Variants in CEP63 observed in about 807,000 individuals in gnomAD.
CEP63 encodes centrosomal protein of 63 kDa.
CEP63 carries 84 observed loss-of-function variants against 89.1 expected under a neutral mutation model. That is an observed-to-expected ratio of 0.94 (90% CI 0.79 to 1.13). CEP63 has a LOEUF of 1.13. Among genes scored for constraint, CEP63 ranks in the 50% most tolerant of loss-of-function variants. The pLI, the probability that CEP63 is intolerant of heterozygous loss-of-function variation, is 0.00. For missense variants in CEP63, 838 were observed against 813.3 expected (o/e 1.03, Z -0.37); for synonymous variants, 267 against 272.5 (o/e 0.98, Z 0.20).
the CEP63 span, among the ~76,000 whole-genome samples, chr3:134,777,936 A>G: frequency 2.0e-5 from 3 of 151,822 alleles, no homozygotes; most frequent in South Asian, 2.1e-4. Context: ...AAAACAACAA[A>G]TTATTTTTCT....
chr3:134,552,097 T>C (rs1955005460), intron 12 of CEP63, 85 bp downstream of exon 12: 5 of 767,084 alleles, frequency 6.5e-6, no homozygotes, highest in Admixed American at 4.4e-5. Context: ...AAAGAGAGAA[T>C]TAAGATCAAC....
Position 134,561,764 on chromosome 3 carries a change from T to C in CEP63, c.*229T>C, listed in dbSNP as rs1957369738. 1.5e-6 allele frequency: 2 copies of C among 1,342,346 alleles called. No individual in the cohort carries two copies. The highest frequency in any genetic ancestry group is 1.9e-6 in the Non-Finnish European group (2 of 1,046,806). 83.2% of individuals were successfully genotyped at this position (1,342,346 alleles called of 1,614,324 possible). On this transcript the variant is annotated 3_prime_UTR_variant, in exon 15 of 15. Coordinates refer to ENST00000675561, the MANE Select transcript of CEP63 (RefSeq NM_001353108.3). The stretch of plus-strand genomic sequence containing the variant: ...AAGTTGAAAGAATAAACCACTTTGC[T>C]AGACTTTTTTCTCATACGAATATTT...
At chr3:134,677,548 C>T in the CEP63 span, among the ~76,000 whole-genome samples, 9 of 152,120 alleles carry the variant, frequency 5.9e-5, no homozygotes. Context: ...TTTGACCTTG[C>T]TCCTCAGCTT....
the CEP63 span, among the ~76,000 whole-genome samples, chr3:134,667,346 T>G: frequency 6.6e-6 from 1 of 152,040 alleles, no homozygotes; most frequent in Non-Finnish European, 1.5e-5. Context: ...GGGGTGAAAT[T>G]TCAGGGCAGC....
At chr3:134,620,734 C>T in the CEP63 span, 1 of 1,599,720 alleles carries the variant, frequency 6.3e-7, no homozygotes, top group Non-Finnish European at 8.6e-7. Context: ...CCAGAAATTC[C>T]ACAGGGGGGC....
At chr3:134,510,791 G>GT (rs758205205) in intron 3 of CEP63, 28 of 353,694 alleles carry the variant, frequency 7.9e-5, no homozygotes, top group Non-Finnish European at 1.4e-4. Flanking sequence ...CCTGGCTGCA[G>GT]TTCTGGCCCT....
the CEP63 span, among the ~76,000 whole-genome samples, chr3:134,628,298 TA>T: frequency 6.6e-6 from 1 of 152,124 alleles, no homozygotes; most frequent in East Asian, 1.9e-4. Flanking sequence ...TTGGGAGGAT[TA>T]AAGGCCAACT....
the CEP63 span, among the ~76,000 whole-genome samples, chr3:134,594,762 G>T: frequency 5.1e-3 from 771 of 152,332 alleles, 31 homozygotes; most frequent in East Asian, 0.091. Flanking sequence ...TTTTTGAAAT[G>T]ACAAGGCAAT....
chr3:134,574,741 C>G, intron 11 of CEP63: 1 of 567,808 alleles, frequency 1.8e-6, no homozygotes, highest in East Asian at 3.1e-5. Flanking sequence ...GTAGCTGGGA[C>G]TTCAGGCACG....
At chr3:134,550,894 G>C (rs1381397730) in intron 11 of CEP63, among the ~76,000 whole-genome samples, 1 of 152,186 alleles carries the variant, frequency 6.6e-6, no homozygotes, top group East Asian at 1.9e-4. Flanking sequence ...GGAGGCAGAG[G>C]GAAATGGATG....
chr3:134,552,595 A>G (rs1295536450), intron 12 of CEP63: 1 of 152,266 alleles, frequency 6.6e-6, no homozygotes, highest in Non-Finnish European at 1.5e-5. Context: ...CTTAGCATAT[A>G]GTACATAGTA....
chr3:134,604,266 G>A, the CEP63 span: 4 of 1,613,996 alleles, frequency 2.5e-6, no homozygotes, highest in Non-Finnish European at 3.4e-6. Flanking sequence ...AATTGCACTT[G>A]AGCGTGTACT....
chr3:134,737,812 T>G, the CEP63 span, among the ~76,000 whole-genome samples: 1 of 152,186 alleles, frequency 6.6e-6, no homozygotes, highest in Admixed American at 6.5e-5. Flanking sequence ...GTTAGAGGTT[T>G]GGGCTATGTT....
the CEP63 span, among the ~76,000 whole-genome samples, chr3:134,628,644 G>A: frequency 2.4e-3 from 371 of 152,296 alleles, no homozygotes; most frequent in South Asian, 5.2e-3. Flanking sequence ...ATAAAGGTTC[G>A]AAATGATAGC....
At chr3:134,717,178 G>A in the CEP63 span, among the ~76,000 whole-genome samples, 3 of 152,212 alleles carry the variant, frequency 2.0e-5, no homozygotes, top group Admixed American at 6.5e-5. Flanking sequence ...ATTCGAACAC[G>A]TGAACAATGG....
intron 5 of CEP63, chr3:134,535,787 C>T (rs939482383): frequency 9.2e-5 from 14 of 152,134 alleles, no homozygotes; most frequent in South Asian, 4.1e-4. Context: ...CCTAAAACCT[C>T]GGAGTCATCC....
the CEP63 span, among the ~76,000 whole-genome samples, chr3:134,646,342 A>C: frequency 6.6e-6 from 1 of 152,018 alleles, no homozygotes; most frequent in Non-Finnish European, 1.5e-5. Context: ...GGGGATGGGG[A>C]GTGTGTCTTG....
the CEP63 span, among the ~76,000 whole-genome samples, chr3:134,749,358 T>G: frequency 6.6e-6 from 1 of 152,038 alleles, no homozygotes; most frequent in Non-Finnish European, 1.5e-5. Context: ...ACTGCTCGGA[T>G]TTTGGCTGGG....
At chr3:134,517,433 A>G (rs933353562) in intron 3 of CEP63, among the ~76,000 whole-genome samples, 3 of 152,226 alleles carry the variant, frequency 2.0e-5, no homozygotes, top group Non-Finnish European at 4.4e-5. Context: ...AGAGACAAAC[A>G]TAAGAATATA....
Sources: allele counts gnomAD v4.1 joint callset (sites outside exome capture counted in the v4.1 genomes callset), GRCh38; gene constraint gnomAD v4.1.1; transcripts MANE v1.5; gene names NCBI Gene and HGNC (gene_info 2026-07-23, HGNC 2026-07-21).